THRAP3: variants seen among roughly 807,000 people sequenced by gnomAD.
THRAP3 encodes the protein thyroid hormone receptor associated protein 3, also known as thyroid hormone receptor-associated protein 3.
Under a neutral mutation model 101.0 loss-of-function variants are expected in THRAP3, and 16 were observed. That is an observed-to-expected ratio of 0.16 (90% CI 0.11 to 0.24). The LOEUF is 0.24. THRAP3 is among the 10% of genes least tolerant of loss of function. THRAP3 has a pLI of 1.00. For missense variants in THRAP3, 989 were observed against 1,202.7 expected, an observed-to-expected ratio of 0.82 and a Z score of 2.63; for synonymous variants, 407 against 422.6, an observed-to-expected ratio of 0.96 and a Z score of 0.45.
At chr1:36,220,972 AATATAT>A (rs1228406695), upstream of THRAP3, among the ~76,000 whole-genome samples, 100 of 94,098 alleles carry the variant, frequency 1.1e-3, 3 homozygotes, top group African/African-American at 3.4e-3. Flanking sequence ...AAAAAAAAAA[AATATAT>A]ATATATATAT....
chr1:36,241,014 G>C (rs1010072085), intron 1 of THRAP3, among the ~76,000 whole-genome samples: 1 of 151,918 alleles, frequency 6.6e-6, no homozygotes, highest in African/African-American at 2.4e-5. Context: ...GGACCATCCC[G>C]GCTAACACGG....
chr1:36,300,608 C>G (rs1436930546), intron 9 of THRAP3, among the ~76,000 whole-genome samples: 2 of 152,150 alleles, frequency 1.3e-5, no homozygotes, highest in South Asian at 4.1e-4. Flanking sequence ...AGACTGAGCT[C>G]CTGGAGGCCA....
intron 1 of THRAP3, among the ~76,000 whole-genome samples, chr1:36,258,997 A>G (rs866598967): frequency 6.6e-6 from 1 of 152,228 alleles, no homozygotes; most frequent in African/African-American, 2.4e-5. Flanking sequence ...TTACCTTGAA[A>G]TGCATTTGTT....
intron 2 of THRAP3, among the ~76,000 whole-genome samples, chr1:36,260,410 A>C (rs371352858): frequency 2.0e-5 from 3 of 152,060 alleles, no homozygotes; most frequent in African/African-American, 7.2e-5. Flanking sequence ...CTTTTGGTAT[A>C]TCTCTCTAAA....
At chr1:36,273,975 G>A (rs541236473) in intron 2 of THRAP3, among the ~76,000 whole-genome samples, 1 of 151,752 alleles carries the variant, frequency 6.6e-6, no homozygotes, top group African/African-American at 2.4e-5. Flanking sequence ...CCCAGGAGGT[G>A]GAGGCTGCAG....
intron 2 of THRAP3, among the ~76,000 whole-genome samples, chr1:36,276,523 CAAAA>C (rs35609256): frequency 1.6e-4 from 18 of 112,734 alleles, no homozygotes; most frequent in South Asian, 3.0e-4. Context: ...GACTCTGTCT[CAAAA>C]AAAAAAAAAA....
At chr1:36,227,612 T>G (rs909780868) in intron 1 of THRAP3, among the ~76,000 whole-genome samples, 1 of 151,906 alleles carries the variant, frequency 6.6e-6, no homozygotes, top group Non-Finnish European at 1.5e-5. Flanking sequence ...AAGGAAGGGG[T>G]TTCAGGGGTG....
intron 1 of THRAP3, among the ~76,000 whole-genome samples, chr1:36,241,428 T>TACACAC (rs1553192383): frequency 3.6e-5 from 5 of 137,862 alleles, no homozygotes; most frequent in African/African-American, 1.1e-4. Flanking sequence ...TATATATATA[T>TACACAC]ACACATATAT....
chr1:36,249,621 G>C (rs1451568804), intron 1 of THRAP3, among the ~76,000 whole-genome samples: 1 of 151,676 alleles, frequency 6.6e-6, no homozygotes, highest in East Asian at 1.9e-4. Flanking sequence ...ATTAGGGGAA[G>C]GTTTTACAAG....
rs758674917 is a variant in THRAP3, at chr1:36,292,658, G to C, written c.1979G>C (p.Arg660Thr). 4.3e-6 allele frequency: 7 copies of C among 1,613,760 alleles called. No individual in the cohort carries two copies. The African/African-American group carries it at 8.0e-5, about 18-fold the overall frequency. Residue 660 changes from arginine to threonine, a missense_variant, in exon 7 of 12, where the codon AGA becomes ACA. Transcript: ENST00000354618. ...GAACGCTTTACTAAATACCTAAAGA[G>C]AGGAACTGAGCAGGAGGCAGCCAAA... Reference protein sequence around the residue: ...LHERFTKYLKRGTEQEAAKNK... With the variant: ...LHERFTKYLKTGTEQEAAKNK...
chr1:36,228,763 C>T (rs946089985), intron 1 of THRAP3, among the ~76,000 whole-genome samples: 7 of 152,156 alleles, frequency 4.6e-5, no homozygotes, highest in South Asian at 2.1e-4. Context: ...AAAATGTGTT[C>T]TCCTTCTACC....
At chr1:36,260,337 A>G (rs1490050549) in intron 2 of THRAP3, among the ~76,000 whole-genome samples, 4 of 152,192 alleles carry the variant, frequency 2.6e-5, no homozygotes, top group Non-Finnish European at 5.9e-5. Flanking sequence ...TATGAAAAAC[A>G]GCAGTCCTTC....
intron 9 of THRAP3, among the ~76,000 whole-genome samples, chr1:36,300,005 A>G (rs1570353864): frequency 6.6e-6 from 1 of 152,054 alleles, no homozygotes; most frequent in South Asian, 2.1e-4. Flanking sequence ...GGTTACTGAC[A>G]TTTGGCTGGC....
At chr1:36,244,217 A>C (rs913932257) in intron 1 of THRAP3, among the ~76,000 whole-genome samples, 1 of 152,198 alleles carries the variant, frequency 6.6e-6, no homozygotes, top group African/African-American at 2.4e-5. Flanking sequence ...TATTTTCTTT[A>C]ACTAGGAGAA....
chr1:36,273,876 A>G (rs554668528), intron 2 of THRAP3, among the ~76,000 whole-genome samples: 1 of 152,100 alleles, frequency 6.6e-6, no homozygotes, highest in African/African-American at 2.4e-5. Context: ...CCCCATCTCT[A>G]TTAAAAATAA....
chr1:36,262,959 ATTTT>A (rs55662646), intron 2 of THRAP3, among the ~76,000 whole-genome samples: 211 of 104,362 alleles, frequency 2.0e-3, no homozygotes, highest in African/African-American at 7.1e-3. Flanking sequence ...GGGCCGGCTA[ATTTT>A]TTTTTTTTTT....
chr1:36,236,825 A>T (rs1338144200), intron 1 of THRAP3, among the ~76,000 whole-genome samples: 1 of 152,200 alleles, frequency 6.6e-6, no homozygotes, highest in East Asian at 1.9e-4. Context: ...ATTTGGGGAC[A>T]ATTTTACTGA....
At chr1:36,241,577 A>ATTTT (rs562173564) in intron 1 of THRAP3, among the ~76,000 whole-genome samples, 2 of 133,478 alleles carry the variant, frequency 1.5e-5, no homozygotes, top group Non-Finnish European at 1.6e-5. Context: ...ATCCGCTAAA[A>ATTTT]TTTTTTTTTT....
chr1:36,302,996 A>G (rs903735936), intron 11 of THRAP3, among the ~76,000 whole-genome samples: 1 of 151,984 alleles, frequency 6.6e-6, no homozygotes, highest in Non-Finnish European at 1.5e-5. Context: ...GAGCATTTGG[A>G]GTGCAGTGGT....
Sources: gnomAD v4.1 joint callset for allele counts (sites outside exome capture counted in the v4.1 genomes callset) on GRCh38, gnomAD v4.1.1 for gene constraint, MANE v1.5 for transcripts, NCBI Gene and HGNC (gene_info 2026-07-23, HGNC 2026-07-21) for gene names.